BCAP31: variants seen among roughly 807,000 people sequenced by gnomAD.
BCAP31 encodes the protein B-cell receptor-associated protein 31.
For synonymous variants in BCAP31, 75 were observed against 80.9 expected (o/e 0.93, Z 0.39); for missense variants, 124 against 193.0 (o/e 0.64, Z 2.12).
intron 3 of BCAP31, among the ~76,000 whole-genome samples, chrX:153,716,831 G>C (rs1437790236): frequency 2.7e-5 from 3 of 112,002 alleles, no homozygotes; most frequent in Admixed American, 9.4e-5. Flanking sequence ...CCAGCTAGGA[G>C]TCAAGGGTTT....
chrX:153,704,313 C>A (rs2091539667), intron 4 of BCAP31, among the ~76,000 whole-genome samples: 1 of 112,200 alleles, frequency 8.9e-6, no homozygotes, highest in Non-Finnish European at 1.9e-5. Context: ...CGGCCACCCT[C>A]AGCTCTCAGA....
rs1178967906 is a variant in BCAP31, at chrX:153,721,077, C to T, written c.93-105G>A. The stretch of plus-strand genomic sequence containing the variant: ...CAGCTTTGTACTCTTCTCCAATGGC[C>T]GAATAGCCCATGCAAAGTCAGCCTC... On this transcript the variant is annotated intron_variant, in intron 2 of 7. Coordinates refer to ENST00000345046, the MANE Select transcript of BCAP31 (RefSeq NM_001256447.2). 2.7e-5 allele frequency: 17 copies of T among 633,038 alleles called. No homozygotes were observed. In the East Asian group the frequency reaches 5.7e-4, roughly 21 times the overall value. The allele number at this position is 633,038 out of a possible 1,213,427, so 52.2% of individuals were successfully genotyped here. A position where few individuals can be genotyped will look rare whatever the true frequency, so the allele number is the denominator to read the frequency against.
chrX:153,711,089 A>G (rs781916971), intron 4 of BCAP31, among the ~76,000 whole-genome samples: 26 of 110,948 alleles, frequency 2.3e-4, no homozygotes, highest in Non-Finnish European at 3.8e-4. Context: ...CAGAAGTCCC[A>G]CTCTGCAACC....
Position 153,723,216 on chromosome X carries a change from G to A in BCAP31, c.29C>T (p.Thr10Ile). Residue 10 changes from threonine to isoleucine, a missense_variant, in exon 2 of 8, where the codon ACC (threonine) becomes ATC (isoleucine). Physicochemically the swap from Thr to Ile is moderately conservative, Grantham distance 89 (BLOSUM62 -1). Transcript: ENST00000345046. ...AACAAAGACCTCCGCATAGAGGAAG[G>A]TGGCAACTGCAGTCCACTGCAGACT... Reference protein sequence around the residue: MSLQWTAVATFLYAEVFVVL... With the variant: MSLQWTAVAIFLYAEVFVVL... The A allele has an allele frequency of 8.3e-7, 1 of 1,210,337 alleles. No individual in the cohort carries two copies. The highest frequency in any genetic ancestry group is 3.0e-5 in the East Asian group (1 of 33,817).
At chrX:153,717,637 T>C (rs2091638426) in intron 3 of BCAP31, among the ~76,000 whole-genome samples, 1 of 112,471 alleles carries the variant, frequency 8.9e-6, no homozygotes, top group Non-Finnish European at 1.9e-5. Context: ...CCCAGGCTAG[T>C]TTCAAACTCC....
intron 3 of BCAP31, among the ~76,000 whole-genome samples, chrX:153,717,501 G>A (rs782682849): frequency 2.7e-5 from 3 of 112,444 alleles, no homozygotes; most frequent in Non-Finnish European, 5.6e-5. Flanking sequence ...GCAGTGGCAC[G>A]ATCCCAGCTC....
At chrX:153,701,982 G>C (rs371959090) in intron 7 of BCAP31, 25 bp downstream of exon 7, 1 of 1,197,693 alleles carries the variant, frequency 8.3e-7, no homozygotes, top group Admixed American at 2.2e-5. Flanking sequence ...TCCTGCCCTG[G>C]GCGCAGCAAT....
At chrX:153,721,730 A>G (rs782816444) in intron 2 of BCAP31, among the ~76,000 whole-genome samples, 2 of 107,483 alleles carry the variant, frequency 1.9e-5, no homozygotes, top group African/African-American at 6.8e-5. Context: ...TCTACTAAAA[A>G]TATATATATA....
rs1379942012 is a variant in BCAP31 at position 153,720,932 on chromosome X, C to T, written c.133G>A (p.Val45Met). The T allele has an allele frequency of 8.3e-7, 1 of 1,210,083 alleles. No individual in the cohort carries two copies. Among genetic ancestry groups the T allele is most frequent in the Non-Finnish European group, 1.1e-6 (1 of 895,235 alleles). ...ACAAAGAAGGTGTTGCCATAGGACACTAACAACTCCACCAGCCGGGACTTG... is the reference window on the plus strand; with the variant it reads ...ACAAAGAAGGTGTTGCCATAGGACATTAACAACTCCACCAGCCGGGACTTG... ...IFKSRLVELLVSYGNTFFVVL... is the reference protein window; with the variant it reads ...IFKSRLVELLMSYGNTFFVVL... The change falls in exon 3 of 8, where the codon GTG (valine) becomes ATG (methionine). Residue 45 changes from valine (V) to methionine (M), a missense_variant. Coordinates refer to ENST00000345046, the MANE Select transcript of BCAP31 (RefSeq NM_001256447.2).
At chrX:153,720,507 G>A (rs1377840224) in intron 3 of BCAP31, among the ~76,000 whole-genome samples, 1 of 110,850 alleles carries the variant, frequency 9.0e-6, no homozygotes, top group African/African-American at 3.3e-5. Context: ...TGGGATTACA[G>A]GTGCCCGCCA....
intron 7 of BCAP31, among the ~76,000 whole-genome samples, chrX:153,701,197 A>G (rs1445616367): frequency 1.8e-5 from 2 of 112,474 alleles, no homozygotes; most frequent in Non-Finnish European, 3.8e-5. Flanking sequence ...ACCTAACGCC[A>G]GCCAGGGAGG....
chrX:153,723,791 C>T lies in BCAP31; in HGVS notation c.-44-503G>A, dbSNP rs1557051661. 3 of 846,324 alleles carry T rather than the reference C, an allele frequency of 3.5e-6. No homozygotes were observed. The East Asian group carries it at 1.1e-4, about 30-fold the overall frequency. The allele number at this position is 846,324 out of a possible 1,213,427, so 69.7% of individuals were successfully genotyped here. ...AAGCGCTGCCGACGCCCCCGCCTCC[C>T]ACCGTCCCCACGGCGCCCGCGGAGA... On this transcript the variant is annotated intron_variant, in intron 1 of 7. Coordinates refer to ENST00000345046, the MANE Select transcript of BCAP31 (RefSeq NM_001256447.2).
chrX:153,719,060 T>C (rs1218016858), intron 3 of BCAP31, among the ~76,000 whole-genome samples: 1 of 111,986 alleles, frequency 8.9e-6, no homozygotes, highest in African/African-American at 3.2e-5. Context: ...ATCATGGCCA[T>C]ATGTCCCCCT....
At chrX:153,704,165 G>T in intron 4 of BCAP31, 71 bp from the exon 5 acceptor site, 1 of 1,105,504 alleles carries the variant, frequency 9.0e-7, no homozygotes, top group Non-Finnish European at 1.2e-6. Flanking sequence ...GCACCTCCTG[G>T]TTGCTCCCAC....
At chrX:153,706,523 C>T (rs62594788) in intron 4 of BCAP31, among the ~76,000 whole-genome samples, 16 of 112,935 alleles carry the variant, frequency 1.4e-4, no homozygotes, top group Non-Finnish European at 2.8e-4. Flanking sequence ...TCGCAACACC[C>T]TCCTCCCACT....
chrX:153,707,869 G>A (rs782115986), intron 4 of BCAP31, among the ~76,000 whole-genome samples: 2 of 113,312 alleles, frequency 1.8e-5, no homozygotes, highest in African/African-American at 6.4e-5. Context: ...GTTAACGTGC[G>A]CTTGTCTGTT....
chrX:153,723,557 C>G (rs1557051554), intron 1 of BCAP31: 11 of 1,168,226 alleles, frequency 9.4e-6, no homozygotes, highest in Non-Finnish European at 1.3e-5. Flanking sequence ...CCTCTCCCGA[C>G]GATCCCTGCC....
chrX:153,723,620 A>T (rs1557051585), intron 1 of BCAP31: 1 of 1,166,750 alleles, frequency 8.6e-7, no homozygotes, highest in Non-Finnish European at 1.1e-6. Flanking sequence ...GTTCTTCGGG[A>T]AGAGCAGTGC....
Position 153,703,193 on chromosome X carries a change from G to A in BCAP31, c.478-135C>T, listed in dbSNP as rs1333704993. Reference sequence around the variant, plus strand: ...CCTTCGGAAATGTCAACGCGGAACCGAGCCACCACTTGCTCCCAGCTCCTA... The same window carrying A: ...CCTTCGGAAATGTCAACGCGGAACCAAGCCACCACTTGCTCCCAGCTCCTA... On this transcript the variant is annotated intron_variant, in intron 5 of 7. Transcript: ENST00000345046. 1.1e-4 allele frequency: 106 copies of A among 937,469 alleles called. 1 individual carries two copies. The South Asian group carries it at 1.8e-3, about 16-fold the overall frequency. The allele number at this position is 937,469 out of a possible 1,213,427, so 77.3% of individuals were successfully genotyped here. A position where few individuals can be genotyped will look rare whatever the true frequency, so the allele number is the denominator to read the frequency against.
Sources: gnomAD v4.1 joint callset for allele counts (sites outside exome capture counted in the v4.1 genomes callset) on GRCh38, gnomAD v4.1.1 for gene constraint, MANE v1.5 for transcripts, NCBI Gene and HGNC (gene_info 2026-07-23, HGNC 2026-07-21) for gene names.